Variants in OTUD7A observed in about 807,000 individuals in gnomAD.
The protein encoded by OTUD7A is OTU domain-containing protein 7A.
Under a neutral mutation model 65.7 loss-of-function variants are expected in OTUD7A, and 12 were observed. The observed-to-expected ratio is 0.18, with a 90% CI of 0.12 to 0.30. The LOEUF is 0.30. Among genes scored for constraint, OTUD7A ranks in the 10% least tolerant of loss-of-function variants. OTUD7A has a pLI of 1.00. For synonymous variants in OTUD7A, 641 were observed against 586.3 expected (o/e 1.09, Z -1.35); for missense variants, 1,148 against 1,304.8 (o/e 0.88, Z 1.85).
chr15:31,816,939 TAAGA>T (rs949474445), intron 1 of OTUD7A, among the ~76,000 whole-genome samples: 1 of 152,172 alleles, frequency 6.6e-6, no homozygotes, highest in Non-Finnish European at 1.5e-5. Context: ...GACGGTACAT[TAAGA>T]AAGGCAAACT....
intron 1 of OTUD7A, among the ~76,000 whole-genome samples, chr15:31,726,124 C>T (rs1015631548): frequency 1.3e-5 from 2 of 151,624 alleles, no homozygotes; most frequent in African/African-American, 4.9e-5. Context: ...CCGTGTTGAG[C>T]TCCTTTTTCT....
intron 3 of OTUD7A, among the ~76,000 whole-genome samples, chr15:31,571,662 A>C (rs1445971415): frequency 3.9e-5 from 6 of 152,240 alleles, no homozygotes; most frequent in Admixed American, 1.3e-4. Flanking sequence ...TATGGAAAGC[A>C]CTAATACATG....
At chr15:31,587,027 A>C (rs1889561707) in intron 3 of OTUD7A, among the ~76,000 whole-genome samples, 1 of 152,136 alleles carries the variant, frequency 6.6e-6, no homozygotes, top group Non-Finnish European at 1.5e-5. Context: ...CTTGACTCAC[A>C]CATCCAGCTC....
chr15:31,810,669 T>C (rs1244965059), intron 1 of OTUD7A, among the ~76,000 whole-genome samples: 2 of 152,212 alleles, frequency 1.3e-5, no homozygotes, highest in East Asian at 1.9e-4. Flanking sequence ...GTATTTTGTA[T>C]GGCAGTCCAA....
chr15:31,748,495 G>A (rs1894540813), intron 1 of OTUD7A, among the ~76,000 whole-genome samples: 1 of 151,432 alleles, frequency 6.6e-6, no homozygotes, highest in South Asian at 2.1e-4. Flanking sequence ...TGAGTTAAAA[G>A]GTATACAGTT....
intron 1 of OTUD7A, among the ~76,000 whole-genome samples, chr15:31,788,087 C>A (rs1895720169): frequency 6.6e-6 from 1 of 152,208 alleles, no homozygotes; most frequent in South Asian, 2.1e-4. Context: ...ACTGGATTAA[C>A]AGATGGGTTC....
At chr15:31,694,186 G>T (rs187730137) in intron 1 of OTUD7A, among the ~76,000 whole-genome samples, 1 of 152,086 alleles carries the variant, frequency 6.6e-6, no homozygotes, top group African/African-American at 2.4e-5. Context: ...CCAGTGGAGG[G>T]GGCCCACGCA....
intron 1 of OTUD7A, among the ~76,000 whole-genome samples, chr15:31,733,594 C>G (rs1399050475): frequency 6.6e-6 from 1 of 152,210 alleles, no homozygotes; most frequent in Non-Finnish European, 1.5e-5. Flanking sequence ...GTGGCTCTAT[C>G]AGGGAACAGA....
chr15:31,867,593 G>A (rs977759739), intron 1 of OTUD7A, among the ~76,000 whole-genome samples: 3 of 152,272 alleles, frequency 2.0e-5, no homozygotes, highest in Non-Finnish European at 4.4e-5. Context: ...AAACATCAAG[G>A]GTGTGCAGGA....
intron 3 of OTUD7A, among the ~76,000 whole-genome samples, chr15:31,598,489 C>T (rs1324555091): frequency 6.6e-6 from 1 of 152,176 alleles, no homozygotes; most frequent in Non-Finnish European, 1.5e-5. Flanking sequence ...TGCACTTTTC[C>T]CATGGTCTTT....
Position 31,484,013 on chromosome 15 carries a change from C to CGGG in OTUD7A, c.2082_2083insCCC (p.Ala694_Ala695insPro). ...CGCGGCGGCCGCTTGGCCGTGGCGG[C>CGGG]GGCGGCGGCGGCGGCAGCGGCGGCC... On this transcript the variant is annotated inframe_insertion, in exon 13 of 13. Transcript: ENST00000307050. The surrounding 1 kb of genome is among the most constrained non-coding windows in gnomAD (Gnocchi z 4.5). 2.1e-6 allele frequency: 2 copies of CGGG among 964,014 alleles called. No individual in the cohort carries two copies. Among genetic ancestry groups the CGGG allele is most frequent in the Non-Finnish European group, 2.6e-6 (2 of 765,806 alleles). The allele number at this position is 964,014 out of a possible 1,614,324, so 59.7% of individuals were successfully genotyped here.
chr15:31,803,218 G>A (rs1479720928), intron 1 of OTUD7A, among the ~76,000 whole-genome samples: 1 of 152,150 alleles, frequency 6.6e-6, no homozygotes, highest in African/African-American at 2.4e-5. Flanking sequence ...ACTAGGAACA[G>A]CATTTTCACA....
At chr15:31,701,452 G>C (rs1236605845) in intron 1 of OTUD7A, among the ~76,000 whole-genome samples, 1 of 151,696 alleles carries the variant, frequency 6.6e-6, no homozygotes, top group Non-Finnish European at 1.5e-5. Context: ...TGACACAAAT[G>C]ATCAATATCT....
At chr15:31,791,556 G>A (rs927170476) in intron 1 of OTUD7A, among the ~76,000 whole-genome samples, 14 of 152,252 alleles carry the variant, frequency 9.2e-5, no homozygotes, top group Non-Finnish European at 1.3e-4. Flanking sequence ...GGACGCATGC[G>A]ACACAGACAC....
chr15:31,626,594 G>T (rs1014776916), intron 3 of OTUD7A, among the ~76,000 whole-genome samples: 2 of 151,916 alleles, frequency 1.3e-5, no homozygotes, highest in Non-Finnish European at 2.9e-5. Context: ...AATTTTTTTT[G>T]AGGCAGGGTC....
At chr15:31,681,334 C>T (rs554154229) in intron 1 of OTUD7A, among the ~76,000 whole-genome samples, 21 of 152,116 alleles carry the variant, frequency 1.4e-4, no homozygotes, top group African/African-American at 4.6e-4. Flanking sequence ...CACCCAGCCA[C>T]CCACCTATGC....
intron 10 of OTUD7A, among the ~76,000 whole-genome samples, chr15:31,492,101 TTC>T (rs1161712559): frequency 2.6e-5 from 4 of 152,272 alleles, no homozygotes; most frequent in Admixed American, 1.3e-4. Context: ...CATTTTTTTC[TTC>T]TTTTTAATTG....
At chr15:31,659,243 G>A (rs1397849915) in intron 1 of OTUD7A, among the ~76,000 whole-genome samples, 3 of 152,166 alleles carry the variant, frequency 2.0e-5, no homozygotes, top group African/African-American at 4.8e-5. Context: ...CTGGGGACAG[G>A]TACAGGAAGA....
Position 31,484,067 on chromosome 15 carries a change from C to T in OTUD7A, c.2029G>A (p.Glu677Lys), listed in dbSNP as rs2041191395. Residue 677 changes from glutamate to lysine, a missense_variant, in exon 13 of 13, where the codon GAG becomes AAG. Transcript: ENST00000307050. This position sits in a 1 kb window ranked among gnomAD's most constrained non-coding sequence, Gnocchi z 4.5. ...GTAGCGGCGTCGCGGCGCCGCTGCT[C>T]CTGCTCGGCGCTGAAGCGCTCCTGC... ...SAQERFSAEQEQRRRDAATAA... is the reference protein window; with the variant it reads ...SAQERFSAEQKQRRRDAATAA... The T allele has an allele frequency of 6.5e-7, 1 of 1,546,290 alleles. No individual in the cohort carries two copies. The highest frequency in any genetic ancestry group is 1.4e-5 in the African/African-American group (1 of 72,538).
Sources: gnomAD v4.1 joint callset for allele counts (sites outside exome capture counted in the v4.1 genomes callset) on GRCh38, gnomAD v4.1.1 for gene constraint, Gnocchi (gnomAD v3.1) non-coding constraint, MANE v1.5 for transcripts, NCBI Gene and HGNC (gene_info 2026-07-23, HGNC 2026-07-21) for gene names.